Variants in TRPM6 observed in about 807,000 individuals in gnomAD.
TRPM6 encodes transient receptor potential cation channel subfamily M member 6.
TRPM6 carries 111 observed loss-of-function variants against 247.6 expected under a neutral mutation model. That is an observed-to-expected ratio of 0.45 (90% CI 0.38 to 0.52). The LOEUF is 0.52. TRPM6 is among the 20% of genes least tolerant of loss of function. TRPM6 has a pLI of 0.00. For synonymous variants in TRPM6, 892 were observed against 853.8 expected (o/e 1.04, Z -0.78); for missense variants, 2,126 against 2,421.5 (o/e 0.88, Z 2.56).
At chr9:74,854,683 A>T (rs551138202) in intron 3 of TRPM6, among the ~76,000 whole-genome samples, 1 of 152,170 alleles carries the variant, frequency 6.6e-6, no homozygotes, top group South Asian at 2.1e-4. Context: ...TTTTTATTTG[A>T]GACAGGGTCT....
chr9:74,757,547 CAG>C (rs1826469635), intron 27 of TRPM6, among the ~76,000 whole-genome samples: 2 of 117,964 alleles, frequency 1.7e-5, no homozygotes, highest in South Asian at 5.5e-4. Flanking sequence ...GCCTGGGTGA[CAG>C]AGAGAGACCC....
rs114829891 is a variant in TRPM6, at chr9:74,862,667, C to G, written c.34-3919G>C. ...TATGCACAGACAAAAGGTAATTTTACACAATATTTTTTAAAAATTTATACA... is the reference window on the plus strand; with the variant it reads ...TATGCACAGACAAAAGGTAATTTTAGACAATATTTTTTAAAAATTTATACA... On this transcript the variant is annotated intron_variant, in intron 1 of 38. Coordinates refer to ENST00000360774, the MANE Select transcript of TRPM6 (RefSeq NM_017662.5). Among the ~76,000 whole-genome samples, 818 of 152,188 alleles carry G rather than the reference C, an allele frequency of 5.4e-3. 7 individuals carry two copies. Among genetic ancestry groups the G allele is most frequent in the African/African-American group, 0.019 (778 of 41,516 alleles).
At chr9:74,815,075 A>C (rs1480610139) in intron 11 of TRPM6, among the ~76,000 whole-genome samples, 1 of 152,188 alleles carries the variant, frequency 6.6e-6, no homozygotes, top group African/African-American at 2.4e-5. Flanking sequence ...GCAGTCCATA[A>C]GGTCCAATAT....
chr9:74,883,509 G>C (rs1338406398), intron 1 of TRPM6, among the ~76,000 whole-genome samples: 1 of 152,160 alleles, frequency 6.6e-6, no homozygotes. Flanking sequence ...CTGGAAGACA[G>C]TTTGGCACAT....
chr9:74,799,238 A>G (rs1226572931), intron 17 of TRPM6, among the ~76,000 whole-genome samples: 1 of 152,134 alleles, frequency 6.6e-6, no homozygotes, highest in Non-Finnish European at 1.5e-5. Flanking sequence ...ATTTTTAAGA[A>G]CTCTAGGAAA....
At position 74,762,258 on chromosome 9, in the gene TRPM6, C is replaced by T. The variant is rs1489336422; in HGVS notation, c.4413G>A (p.Lys1471=). The change falls in exon 26 of 39, where the codon AAG becomes AAA. Residue 1471 remains lysine (K), a synonymous_variant. Coordinates refer to ENST00000360774, the MANE Select transcript of TRPM6 (RefSeq NM_017662.5). ...DETGVFSIKK[K]WQTCLPSTCD... ...AAGTGGAGGGCAAGCAGGTTTGCCA[C>T]TTTTTCTTGATGCTAAACACACCAG... 2.5e-6 allele frequency: 4 copies of T among 1,614,088 alleles called. No individual in the cohort carries two copies. The African/African-American group carries it at 4.0e-5, about 16-fold the overall frequency.
intron 1 of TRPM6, among the ~76,000 whole-genome samples, chr9:74,879,100 T>C (rs1257062392): frequency 1.3e-5 from 2 of 151,348 alleles, no homozygotes; most frequent in African/African-American, 4.9e-5. Context: ...AGGATACAAA[T>C]GAAAAATTGA....
chr9:74,862,188 G>C (rs140111822), intron 1 of TRPM6, among the ~76,000 whole-genome samples: 1 of 149,812 alleles, frequency 6.7e-6, no homozygotes, highest in African/African-American at 2.5e-5. Flanking sequence ...TGCCAACCTC[G>C]TAATAGTTCC....
At chr9:74,750,417 T>C (rs186350555) in intron 30 of TRPM6, among the ~76,000 whole-genome samples, 26 of 152,294 alleles carry the variant, frequency 1.7e-4, no homozygotes, top group African/African-American at 5.5e-4. Context: ...AAAAGGCAAA[T>C]GTTTAATTTG....
intron 5 of TRPM6, among the ~76,000 whole-genome samples, chr9:74,839,429 T>C (rs1564040583): frequency 2.0e-5 from 3 of 152,100 alleles, no homozygotes; most frequent in African/African-American, 7.2e-5. Flanking sequence ...GGCAATCATG[T>C]AGTTAAAAAA....
At chr9:74,748,009 A>G (rs1038312127) in intron 30 of TRPM6, 95 bp from the exon 31 acceptor site, 8 of 1,131,660 alleles carry the variant, frequency 7.1e-6, no homozygotes, top group Non-Finnish European at 1.1e-5. Context: ...GTAACAACAC[A>G]AAGTATATAT....
intron 25 of TRPM6, among the ~76,000 whole-genome samples, chr9:74,765,325 G>C (rs1263499816): frequency 1.5e-5 from 2 of 135,002 alleles, no homozygotes; most frequent in African/African-American, 5.6e-5. Context: ...ATTAATTGGA[G>C]AAAATATTTT....
intron 1 of TRPM6, among the ~76,000 whole-genome samples, chr9:74,869,132 T>C (rs866353095): frequency 6.6e-6 from 1 of 152,082 alleles, no homozygotes; most frequent in Non-Finnish European, 1.5e-5. Flanking sequence ...AGGAAAAAGG[T>C]TGTAAAACAG....
chr9:74,829,695 C>G (rs965647464), intron 6 of TRPM6, among the ~76,000 whole-genome samples: 2 of 151,776 alleles, frequency 1.3e-5, no homozygotes, highest in African/African-American at 4.8e-5. Context: ...AGGCAAGAAA[C>G]CAAAAGGAAA....
chr9:74,852,445 C>T (rs1199143295), intron 3 of TRPM6, among the ~76,000 whole-genome samples: 1 of 138,490 alleles, frequency 7.2e-6, no homozygotes, highest in Non-Finnish European at 1.6e-5. Flanking sequence ...TCTCCCGCTC[C>T]CCCTCCTCCC....
At chr9:74,767,644 G>A (rs1313284915) in intron 25 of TRPM6, among the ~76,000 whole-genome samples, 1 of 152,164 alleles carries the variant, frequency 6.6e-6, no homozygotes, top group South Asian at 2.1e-4. Context: ...GCTCCATCAA[G>A]AGGGAAAATA....
chr9:74,819,386 A>G (rs796597511), intron 9 of TRPM6, among the ~76,000 whole-genome samples: 27 of 152,124 alleles, frequency 1.8e-4, no homozygotes, highest in African/African-American at 6.5e-4. Context: ...GCTCATGCCT[A>G]TAATCCCAGC....
rs138525285 is a variant in TRPM6 at position 74,839,042 on chromosome 9, G to A, written c.544+982C>T. On this transcript the variant is annotated intron_variant, in intron 5 of 38. Transcript: ENST00000360774. ...GGAGAATCGCTTGAACCTGGGAGGCGGAGATCGCAGTGAGCCAAGACTGCA... is the reference window on the plus strand; with the variant it reads ...GGAGAATCGCTTGAACCTGGGAGGCAGAGATCGCAGTGAGCCAAGACTGCA... 1.0e-2 allele frequency among the ~76,000 whole-genome samples: 1,510 copies of A among 151,206 alleles called. 22 individuals are homozygous for A. The highest frequency in any genetic ancestry group is 0.033 in the African/African-American group (1,357 of 40,964).
rs199746895 is a variant in TRPM6, at chr9:74,786,024, A to G, written c.2769T>C (p.Ala923=). The G allele has an allele frequency of 9.3e-6, 15 of 1,614,250 alleles. No individual in the cohort carries two copies. In the African/African-American group the frequency reaches 2.0e-4, roughly 22 times the overall value. The change falls in exon 21 of 39, where the codon GCT becomes GCC. Residue 923 remains alanine (A), a synonymous_variant. Transcript: ENST00000360774. ...GGTCACCCCATCGAAGGACGAAGCC[A>G]GCTGAAAACAGGCCAATGGCCACAG... The part of the protein sequence containing the change: ...TETVAIGLFS[A]GFVLRWGDPP...
Sources: allele counts gnomAD v4.1 joint callset (sites outside exome capture counted in the v4.1 genomes callset), GRCh38; gene constraint gnomAD v4.1.1; transcripts MANE v1.5; gene names NCBI Gene and HGNC (gene_info 2026-07-23, HGNC 2026-07-21).